CDC73: variants seen among roughly 807,000 people sequenced by gnomAD.
CDC73 encodes the protein cell division cycle 73, also known as parafibromin.
In CDC73, 21 loss-of-function variants were observed where a neutral mutation model predicts 83.7. The observed-to-expected ratio is 0.25, with a 90% CI of 0.18 to 0.36. The LOEUF is 0.36. Ranked by LOEUF, CDC73 falls within the 10% of genes least tolerant of loss-of-function variation. The pLI, the probability that CDC73 is intolerant of heterozygous loss-of-function variation, is 1.00. For synonymous variants in CDC73, 224 were observed against 212.9 expected (o/e 1.05, Z -0.45); for missense variants, 342 against 653.3 (o/e 0.52, Z 5.19).
In CDC73 at chr1:193,249,833, T is replaced by C. The variant is rs1476554322; in HGVS notation, c.1521T>C (p.Asp507=). The part of the protein sequence containing the change: ...LELSYHKRHL[D]RPVFLRFWET... ...TCAGCTATCACAAACGTCATTTGGA[T>C]AGACCAGTGTTCTTACGGTTTTGGG... Residue 507 remains aspartate (D), a synonymous_variant, in exon 16 of 17, where the codon GAT becomes GAC. Transcript: ENST00000367435. 1.2e-6 allele frequency: 2 copies of C among 1,612,570 alleles called. No homozygotes were observed. The highest frequency in any genetic ancestry group is 1.7e-6 in the Non-Finnish European group (2 of 1,178,790).
At chr1:193,199,815 TA>T (rs1290846800) in intron 10 of CDC73, among the ~76,000 whole-genome samples, 1 of 152,014 alleles carries the variant, frequency 6.6e-6, no homozygotes, top group Non-Finnish European at 1.5e-5. Context: ...AAAATAAAGG[TA>T]AAAGCATTCA....
chr1:193,161,372 T>C (rs2103140700), intron 10 of CDC73, among the ~76,000 whole-genome samples: 1 of 151,482 alleles, frequency 6.6e-6, no homozygotes, highest in African/African-American at 2.4e-5. Flanking sequence ...AATTTTAAGA[T>C]CTTACTTTTG....
intron 10 of CDC73, among the ~76,000 whole-genome samples, chr1:193,185,483 A>G (rs544836573): frequency 6.6e-6 from 1 of 152,192 alleles, no homozygotes; most frequent in Non-Finnish European, 1.5e-5. Flanking sequence ...TGTGTTCATT[A>G]TCTTCATTTA....
intron 10 of CDC73, among the ~76,000 whole-genome samples, chr1:193,168,568 C>G (rs1676471082): frequency 6.6e-6 from 1 of 151,734 alleles, no homozygotes; most frequent in Admixed American, 6.6e-5. Flanking sequence ...CTCTGTCACC[C>G]AGATGGAATG....
At chr1:193,191,663 A>G (rs1404037076) in intron 10 of CDC73, among the ~76,000 whole-genome samples, 1 of 152,184 alleles carries the variant, frequency 6.6e-6, no homozygotes, top group Non-Finnish European at 1.5e-5. Flanking sequence ...GGGGGATTAT[A>G]GGCCTGAGCC....
At position 193,251,187 on chromosome 1, in the gene CDC73, T is replaced by C. The variant is rs1415735853; in HGVS notation, c.*475T>C. The C allele has an allele frequency of 8.3e-6, 2 of 240,580 alleles. No homozygotes were observed. The highest frequency in any genetic ancestry group is 1.6e-5 in the Non-Finnish European group (2 of 122,192). The allele number at this position is 240,580 out of a possible 1,614,324, so 14.9% of individuals were successfully genotyped here. On this transcript the variant is annotated 3_prime_UTR_variant, in exon 17 of 17. Coordinates refer to ENST00000367435, the MANE Select transcript of CDC73 (RefSeq NM_024529.5). ...TTGAATGAATCAGAATGTCAACTTG[T>C]ATGTACACTATATCTACACTTACTC...
intron 2 of CDC73, 65 bp downstream of exon 2, chr1:193,125,282 A>T (rs1181336784): frequency 1.9e-6 from 2 of 1,051,670 alleles, no homozygotes; most frequent in East Asian, 5.1e-5. Context: ...TTTAAGAGAC[A>T]GGGTCTGGCC....
At position 193,249,906 on chromosome 1, in the gene CDC73, T is replaced by C. The variant is rs373525191; in HGVS notation, c.1559+35T>C. The C allele has an allele frequency of 6.8e-5, 109 of 1,605,358 alleles. No individual in the cohort carries two copies. In the African/African-American group the frequency reaches 1.2e-3, roughly 18 times the overall value. On this transcript the variant is annotated intron_variant, in intron 16 of 16. Coordinates refer to ENST00000367435, the MANE Select transcript of CDC73 (RefSeq NM_024529.5). ...ATTCTAAAATATGCTTGTGTGTGTTTTATTGTAATTTTTCTGTCTCAGTTA... is the reference window on the plus strand; with the variant it reads ...ATTCTAAAATATGCTTGTGTGTGTTCTATTGTAATTTTTCTGTCTCAGTTA...
rs780205664 is a variant in CDC73 at position 193,122,284 on chromosome 1, G to A, written c.84G>A (p.Gly28=). The change falls in exon 1 of 17, where the codon GGG becomes GGA. Residue 28 remains glycine (G), a synonymous_variant. Coordinates refer to ENST00000367435, the MANE Select transcript of CDC73 (RefSeq NM_024529.5). ...IVVKGDEVIF[G]EFSWPKNVKT... is the part of the protein sequence containing the mutation. ...TGAAGGGAGACGAAGTGATCTTCGG[G>A]GAGTTCTCCTGGCCCAAGAATGTGA... The A allele has an allele frequency of 6.2e-6, 10 of 1,614,026 alleles. No homozygotes were observed. The East Asian group carries it at 1.6e-4, about 25-fold the overall frequency.
At chr1:193,131,935 T>TGTTTATGTAC (rs1184597314) in intron 3 of CDC73, among the ~76,000 whole-genome samples, 1 of 152,366 alleles carries the variant, frequency 6.6e-6, no homozygotes, top group East Asian at 1.9e-4. Flanking sequence ...ATTATATATC[T>TGTTTATGTAC]GTTTATGTAC....
intron 6 of CDC73, 75 bp from the exon 7 acceptor site, chr1:193,141,775 A>G: frequency 1.0e-6 from 1 of 981,838 alleles, no homozygotes; most frequent in Non-Finnish European, 1.6e-6. Context: ...AGAAATTTAT[A>G]AATGTAACAA....
At chr1:193,182,830 T>C (rs557041319) in intron 10 of CDC73, among the ~76,000 whole-genome samples, 16 of 152,206 alleles carry the variant, frequency 1.1e-4, no homozygotes, top group Non-Finnish European at 2.1e-4. Flanking sequence ...GAGGTATAGT[T>C]TGAATTCCAT....
intron 15 of CDC73, among the ~76,000 whole-genome samples, chr1:193,237,620 T>G (rs1285641770): frequency 5.3e-5 from 8 of 151,998 alleles, no homozygotes; most frequent in Admixed American, 5.2e-4. Context: ...GGAGGTGGTG[T>G]GGTGGGGTGG....
intron 10 of CDC73, chr1:193,181,247 G>A (rs1203799548): frequency 6.2e-7 from 1 of 1,614,092 alleles, no homozygotes; most frequent in Non-Finnish European, 8.5e-7. Context: ...ACTCCTTGTG[G>A]TGACAGGTCT....
intron 3 of CDC73, among the ~76,000 whole-genome samples, chr1:193,134,437 G>A (rs1472801713): frequency 6.6e-6 from 1 of 152,032 alleles, no homozygotes; most frequent in African/African-American, 2.4e-5. Flanking sequence ...TTGGGAGGCC[G>A]AGGCGGGCGG....
At chr1:193,235,925 T>C (rs1572217470) in intron 14 of CDC73, among the ~76,000 whole-genome samples, 1 of 152,266 alleles carries the variant, frequency 6.6e-6, no homozygotes, top group South Asian at 2.1e-4. Flanking sequence ...CCCTATTACA[T>C]TGGAAAAGTG....
chr1:193,147,717 G>A, intron 7 of CDC73, 150 bp from the exon 8 acceptor site: 1 of 638,712 alleles, frequency 1.6e-6, no homozygotes, highest in Non-Finnish European at 2.9e-6. Flanking sequence ...CTTAGTAGTG[G>A]TTGGTTTTTA....
intron 13 of CDC73, among the ~76,000 whole-genome samples, chr1:193,230,325 A>G (rs1022298262): frequency 2.0e-5 from 3 of 151,250 alleles, no homozygotes; most frequent in Non-Finnish European, 3.0e-5. Flanking sequence ...ATTTTTGTAT[A>G]TTTAGTAGAG....
intron 13 of CDC73, among the ~76,000 whole-genome samples, chr1:193,223,103 C>G (rs1677500868): frequency 6.6e-6 from 1 of 151,942 alleles, no homozygotes; most frequent in South Asian, 2.1e-4. Context: ...TATTTGCAAG[C>G]TTGTTTTATT....
Sources: allele counts gnomAD v4.1 joint callset (sites outside exome capture counted in the v4.1 genomes callset), GRCh38; gene constraint gnomAD v4.1.1; transcripts MANE v1.5; gene names NCBI Gene and HGNC (gene_info 2026-07-23, HGNC 2026-07-21).